CCDC152: variants seen among roughly 807,000 people sequenced by gnomAD.
CCDC152 encodes coiled-coil domain-containing protein 152.
CCDC152 carries 37 observed loss-of-function variants against 38.1 expected under a neutral mutation model. The observed-to-expected ratio is 0.97, with a 90% CI of 0.75 to 1.28. The LOEUF is 1.28. CCDC152 is among the 50% of genes most tolerant of loss of function. The pLI, the probability that CCDC152 is intolerant of heterozygous loss-of-function variation, is 0.00. For synonymous variants in CCDC152, 83 were observed against 87.1 expected (o/e 0.95, Z 0.26); for missense variants, 259 against 292.1 (o/e 0.89, Z 0.83).
At position 42,799,440 on chromosome 5, in the gene CCDC152, A is replaced by G; in HGVS notation, c.624A>G (p.Pro208=). Residue 208 remains proline, a synonymous_variant, in exon 8 of 9, where the codon CCA becomes CCG. Coordinates refer to ENST00000361970, the MANE Select transcript of CCDC152 (RefSeq NM_001134848.2). ...CATATCAGGATTCTACTGTTTTGCC[A>G]CAAAGTATCTACAGAAGGGTATGTG... ...SKSYQDSTVL[P]QSIYRRKLQH... is the part of the protein sequence containing the mutation. The G allele has an allele frequency of 1.3e-6, 2 of 1,542,606 alleles. No homozygotes were observed. Among genetic ancestry groups the G allele is most frequent in the Non-Finnish European group, 1.8e-6 (2 of 1,140,994 alleles).
At chr5:42,760,249 A>G (rs1458927586) in intron 2 of CCDC152, among the ~76,000 whole-genome samples, 1 of 145,366 alleles carries the variant, frequency 6.9e-6, no homozygotes, top group Non-Finnish European at 1.5e-5. Context: ...GCTTGCAGTG[A>G]GCCGAGATCG....
At chr5:42,760,303 C>CAA (rs148225690) in intron 2 of CCDC152, among the ~76,000 whole-genome samples, 11 of 105,796 alleles carry the variant, frequency 1.0e-4, no homozygotes, top group African/African-American at 2.2e-4. Context: ...GACTCCGTCT[C>CAA]AAAAAAAAAA....
intron 1 of CCDC152, 119 bp from the exon 2 acceptor site, chr5:42,759,001 C>A: frequency 1.6e-6 from 1 of 642,564 alleles, no homozygotes; most frequent in Non-Finnish European, 2.6e-6. Flanking sequence ...TGCAATGGAG[C>A]CCAAGTAGGT....
At chr5:42,792,508 T>C (rs1457465865) in intron 6 of CCDC152, among the ~76,000 whole-genome samples, 1 of 152,240 alleles carries the variant, frequency 6.6e-6, no homozygotes, top group African/African-American at 2.4e-5. Context: ...ACTAATGTCT[T>C]GCAAGGCATT....
intron 2 of CCDC152, among the ~76,000 whole-genome samples, chr5:42,760,322 A>G (rs1175721594): frequency 6.9e-6 from 1 of 144,172 alleles, no homozygotes; most frequent in African/African-American, 2.6e-5. Context: ...AAAAAAAAAA[A>G]AGAAAGCCTA....
intron 5 of CCDC152, 49 bp downstream of exon 5, chr5:42,779,571 C>A: frequency 2.0e-6 from 2 of 1,022,706 alleles, no homozygotes; most frequent in Non-Finnish European, 2.8e-6. Flanking sequence ...GGAGATTTAT[C>A]TTTTCAAATT....
intron 6 of CCDC152, among the ~76,000 whole-genome samples, chr5:42,794,272 G>A (rs747493853): frequency 4.6e-5 from 7 of 152,074 alleles, no homozygotes; most frequent in Non-Finnish European, 5.9e-5. Flanking sequence ...AGAACAAACT[G>A]GAATTTGCAT....
At chr5:42,796,789 A>T in intron 6 of CCDC152, 40 bp from the exon 7 acceptor site, 1 of 1,294,604 alleles carries the variant, frequency 7.7e-7, no homozygotes, top group East Asian at 2.8e-5. Context: ...TAATTTTGAA[A>T]TTTTTAACAA....
At chr5:42,776,417 C>G (rs1759769237) in intron 4 of CCDC152, among the ~76,000 whole-genome samples, 1 of 152,034 alleles carries the variant, frequency 6.6e-6, no homozygotes, top group Admixed American at 6.6e-5. Flanking sequence ...ATGCATCTAG[C>G]AAAGGCATCA....
At chr5:42,795,570 G>A (rs573350584) in intron 6 of CCDC152, among the ~76,000 whole-genome samples, 72 of 152,222 alleles carry the variant, frequency 4.7e-4, no homozygotes, top group African/African-American at 8.2e-4. Context: ...TGCGGAATAC[G>A]TATTATTTTC....
intron 4 of CCDC152, among the ~76,000 whole-genome samples, chr5:42,771,091 GTCTT>G (rs1356143881): frequency 2.6e-5 from 4 of 152,108 alleles, no homozygotes; most frequent in Non-Finnish European, 1.5e-5. Flanking sequence ...TGCCCTTTAT[GTCTT>G]TCTCTTTCCT....
At chr5:42,779,074 C>G (rs1005725198) in intron 4 of CCDC152, among the ~76,000 whole-genome samples, 2 of 152,186 alleles carry the variant, frequency 1.3e-5, no homozygotes, top group Non-Finnish European at 2.9e-5. Flanking sequence ...AGAATGCTCT[C>G]TCTTAACATG....
chr5:42,796,692 A>G, intron 6 of CCDC152, 137 bp from the exon 7 acceptor site: 2 of 593,368 alleles, frequency 3.4e-6, no homozygotes, highest in Non-Finnish European at 5.3e-6. Flanking sequence ...GCTATTCTAT[A>G]CCTACACCAT....
chr5:42,799,835 A>C lies in CCDC152; in HGVS notation c.*54A>C. 1 of 1,536,394 alleles carries C rather than the reference A, an allele frequency of 6.5e-7. No homozygotes were observed. Among genetic ancestry groups the C allele is most frequent in the South Asian group, 1.2e-5 (1 of 81,514 alleles). ...TTATTTAAAAGCAATCGAAAGTTTC[A>C]CTTCTGTTTTCAATATATGCATACA... On this transcript the variant is annotated 3_prime_UTR_variant, in exon 9 of 9. Transcript: ENST00000361970.
At chr5:42,771,293 G>A (rs1286631230) in intron 4 of CCDC152, among the ~76,000 whole-genome samples, 3 of 152,026 alleles carry the variant, frequency 2.0e-5, no homozygotes, top group Non-Finnish European at 4.4e-5. Context: ...GTTTATGGCT[G>A]TAAAGCCTAA....
intron 1 of CCDC152, among the ~76,000 whole-genome samples, chr5:42,758,477 G>C (rs141282622): frequency 1.3e-5 from 2 of 152,200 alleles, no homozygotes; most frequent in Non-Finnish European, 2.9e-5. Context: ...TCTCATACTT[G>C]TTTACATTAC....
Position 42,802,003 on chromosome 5 carries a change from A to G in CCDC152, c.*2222A>G, listed in dbSNP as rs1046322418. The G allele has an allele frequency of 6.6e-6, 1 of 152,220 alleles. No homozygotes were observed. Among genetic ancestry groups the G allele is most frequent in the Non-Finnish European group, 1.5e-5 (1 of 68,044 alleles). The allele number at this position is 152,220 out of a possible 1,614,324, so 9.4% of individuals were successfully genotyped here. A position where few individuals can be genotyped will look rare whatever the true frequency, so the allele number is the denominator to read the frequency against. The stretch of plus-strand genomic sequence containing the variant: ...AACGGTGCATCTTATCTAATACTAT[A>G]TGATACTGTAATCTAATATTATCTC... On this transcript the variant is annotated 3_prime_UTR_variant, in exon 9 of 9. Transcript: ENST00000361970.
intron 1 of CCDC152, among the ~76,000 whole-genome samples, chr5:42,758,024 T>C (rs1759504187): frequency 6.6e-6 from 1 of 152,182 alleles, no homozygotes; most frequent in African/African-American, 2.4e-5. Context: ...TGGGAGGCTA[T>C]TAACAAATAT....
chr5:42,799,989 G>T lies in CCDC152; in HGVS notation c.*208G>T. 3.8e-6 allele frequency: 2 copies of T among 532,672 alleles called. No homozygotes were observed. The highest frequency in any genetic ancestry group is 2.8e-5 in the South Asian group (1 of 36,118). 33.0% of individuals were successfully genotyped at this position (532,672 alleles called of 1,614,324 possible). A position where few individuals can be genotyped will look rare whatever the true frequency, so the allele number is the denominator to read the frequency against. ...ACCATAAAGGAGGTCAGGTTTATAG[G>T]GTTTGGTTTACCTATTAAACCATCA... On this transcript the variant is annotated 3_prime_UTR_variant, in exon 9 of 9. Coordinates refer to ENST00000361970, the MANE Select transcript of CCDC152 (RefSeq NM_001134848.2).
Sources: gnomAD v4.1 joint callset for allele counts (sites outside exome capture counted in the v4.1 genomes callset) on GRCh38, gnomAD v4.1.1 for gene constraint, MANE v1.5 for transcripts, NCBI Gene and HGNC (gene_info 2026-07-23, HGNC 2026-07-21) for gene names.